The following MPDZ variants were observed in gnomAD, a reference collection of about 807,000 sequenced individuals.
MPDZ encodes the protein multiple PDZ domain protein.
MPDZ carries 234 observed loss-of-function variants against 239.1 expected under a neutral mutation model. The ratio of observed to expected loss-of-function variants is 0.98; its 90% confidence interval spans 0.88 to 1.09. The LOEUF (loss-of-function observed/expected upper bound fraction) is 1.09, where lower values mean the gene tolerates loss of function less well. Ranked by LOEUF, MPDZ falls within the 50% of genes least tolerant of loss-of-function variation. The pLI, the probability that MPDZ is intolerant of heterozygous loss-of-function variation, is 0.00. For synonymous variants in MPDZ, 1,048 were observed against 881.3 expected (o/e 1.19, Z -3.35); for missense variants, 3,175 against 2,510.0 (o/e 1.26, Z -5.66).
At chr9:13,216,437 G>A (rs900167203) in intron 10 of MPDZ, among the ~76,000 whole-genome samples, 2 of 148,588 alleles carry the variant, frequency 1.3e-5, no homozygotes, top group Non-Finnish European at 3.0e-5. Flanking sequence ...TACCCTAAAG[G>A]TACTGGACAT....
chr9:13,216,704 T>G, intron 10 of MPDZ, 70 bp downstream of exon 10: 1 of 1,194,550 alleles, frequency 8.4e-7, no homozygotes, highest in South Asian at 1.4e-5. Flanking sequence ...CTCTCAAAAC[T>G]AAGTAAACTA....
chr9:13,153,029 A>G (rs1465443470), intron 24 of MPDZ, among the ~76,000 whole-genome samples: 1 of 152,128 alleles, frequency 6.6e-6, no homozygotes, highest in African/African-American at 2.4e-5. Flanking sequence ...GCACAAAGGA[A>G]GACAATGTTG....
At position 13,136,148 on chromosome 9, in the gene MPDZ, G is replaced by A; in HGVS notation, c.4327C>T (p.Pro1443Ser). ...KDAVNQMAVC[P>S]GNAVEPLPSN... The stretch of plus-strand genomic sequence containing the variant: ...GGCAAAGGTTCTACTGCATTTCCAG[G>A]ACATACGGCCATCTGATTCACTGCA... The change falls in exon 31 of 47, where the codon CCT becomes TCT. Residue 1443 changes from proline (P) to serine (S), a missense_variant. Physicochemically the swap from Pro to Ser is moderately conservative, Grantham distance 74. Transcript: ENST00000319217. 6.2e-7 allele frequency: 1 copy of A among 1,612,694 alleles called. No homozygotes were observed. Among genetic ancestry groups the A allele is most frequent in the Non-Finnish European group, 8.5e-7 (1 of 1,179,318 alleles).
At chr9:13,207,384 T>G (rs1747963725) in intron 10 of MPDZ, among the ~76,000 whole-genome samples, 1 of 151,998 alleles carries the variant, frequency 6.6e-6, no homozygotes, top group African/African-American at 2.4e-5. Context: ...CCCAACCTCA[T>G]CTCTCATGAT....
At chr9:13,135,175 A>C (rs1280175226) in intron 31 of MPDZ, 2 of 152,210 alleles carry the variant, frequency 1.3e-5, no homozygotes, top group Non-Finnish European at 2.9e-5. Flanking sequence ...TGTATTTTCT[A>C]TTCAGTAAAA....
chr9:13,115,806 G>A lies in MPDZ; in HGVS notation c.5380-472C>T, dbSNP rs1005093661. On this transcript the variant is annotated intron_variant, in intron 39 of 46. Coordinates refer to ENST00000319217, the MANE Select transcript of MPDZ (RefSeq NM_001378778.1). ...TAAAAATACAAAAAAATAGCTGGGCGTGGTGGCAGGCGCCTGTAGTCCCAG... is the reference window on the plus strand; with the variant it reads ...TAAAAATACAAAAAAATAGCTGGGCATGGTGGCAGGCGCCTGTAGTCCCAG... Among the ~76,000 whole-genome samples the A allele has an allele frequency of 4.6e-5, 7 of 152,006 alleles. No individual in the cohort carries two copies. In the South Asian group the frequency reaches 6.2e-4, roughly 14 times the overall value.
At chr9:13,141,982 C>T (rs980972783) in intron 27 of MPDZ, among the ~76,000 whole-genome samples, 4 of 152,094 alleles carry the variant, frequency 2.6e-5, no homozygotes. Context: ...AACACACACA[C>T]ATAAAACCCT....
At position 13,186,333 on chromosome 9, in the gene MPDZ, T is replaced by G; in HGVS notation, c.2418A>C (p.Pro806=). Reference sequence around the variant, plus strand: ...GCCCTGCTTCCTCACAGGAGTGTGGTGGGTAGAGAAAGGAATCCTCCTTAG... The same window carrying G: ...GCCCTGCTTCCTCACAGGAGTGTGGGGGGTAGAGAAAGGAATCCTCCTTAG... The part of the protein sequence containing the change: ...VSAKEDSFLY[P]PHSCEEAGLA... The change falls in exon 18 of 47, where the codon CCA becomes CCC. Residue 806 remains proline (P), a synonymous_variant. Transcript: ENST00000319217. 6.3e-7 allele frequency: 1 copy of G among 1,594,544 alleles called. No homozygotes were observed. The highest frequency in any genetic ancestry group is 8.5e-7 in the Non-Finnish European group (1 of 1,170,030).
In MPDZ at chr9:13,194,216, A is replaced by G. The variant is rs1955333211; in HGVS notation, c.1657-903T>C. 2.0e-5 allele frequency among the ~76,000 whole-genome samples: 3 copies of G among 152,146 alleles called. No homozygotes were observed. In the South Asian group the frequency reaches 6.2e-4, roughly 32 times the overall value. The stretch of plus-strand genomic sequence containing the variant: ...TTACCTTTATCTTGCCAAGGCCCAT[A>G]AATATCTTAGTCCTTTTTCATTTAT... On this transcript the variant is annotated intron_variant, in intron 13 of 46. Transcript: ENST00000319217.
intron 15 of MPDZ, among the ~76,000 whole-genome samples, chr9:13,191,548 T>A (rs370143105): frequency 2.6e-5 from 4 of 152,144 alleles, no homozygotes; most frequent in Admixed American, 6.6e-5. Flanking sequence ...CTGACATGTA[T>A]CATTATGGGC....
chr9:13,168,285 G>A, intron 22 of MPDZ, 81 bp downstream of exon 22: 2 of 1,298,006 alleles, frequency 1.5e-6, no homozygotes, highest in African/African-American at 1.5e-5. Context: ...ATCTCAAACA[G>A]AAGTGAATAC....
chr9:13,115,143 G>A (rs1563824404), intron 40 of MPDZ, 105 bp downstream of exon 40: 7 of 889,786 alleles, frequency 7.9e-6, no homozygotes, highest in South Asian at 3.0e-5. Flanking sequence ...ACTATCCCAC[G>A]CTGCCAGGGG....
chr9:13,260,798 C>T (rs187430787), intron 1 of MPDZ, among the ~76,000 whole-genome samples: 13 of 152,264 alleles, frequency 8.5e-5, no homozygotes, highest in African/African-American at 3.1e-4. Flanking sequence ...CAGAACCCTA[C>T]CAGACCTTGA....
Position 13,221,391 on chromosome 9 carries a change from G to A in MPDZ, c.857C>T (p.Pro286Leu), listed in dbSNP as rs756297120. ...ATGVIVKTIL[P>L]GGVADQHGRL... ...GCCTACCTGATCAGCTACTCCTCCA[G>A]GCAGAATGGTTTTTACTATCACACC... The change falls in exon 7 of 47, where the codon CCT (proline) becomes CTT (leucine). Residue 286 changes from proline (P) to leucine (L), a missense_variant. Pro to Leu is a moderately conservative substitution (Grantham distance 98). Coordinates refer to ENST00000319217, the MANE Select transcript of MPDZ (RefSeq NM_001378778.1). The A allele has an allele frequency of 4.1e-5, 66 of 1,609,432 alleles. No homozygotes were observed. Among genetic ancestry groups the A allele is most frequent in the Non-Finnish European group, 5.3e-5 (62 of 1,177,332 alleles).
chr9:13,139,889 G>T, intron 28 of MPDZ, 98 bp downstream of exon 28: 1 of 1,375,468 alleles, frequency 7.3e-7, no homozygotes, highest in Non-Finnish European at 1.0e-6. Flanking sequence ...ATATCACAAA[G>T]CTGCAACATA....
At chr9:13,234,842 G>A (rs1215076968) in intron 3 of MPDZ, among the ~76,000 whole-genome samples, 1 of 151,610 alleles carries the variant, frequency 6.6e-6, no homozygotes, top group Non-Finnish European at 1.5e-5. Context: ...CATGCACCTT[G>A]TATTTTCTTC....
chr9:13,167,304 C>T (rs1951194922), intron 22 of MPDZ, among the ~76,000 whole-genome samples: 1 of 151,968 alleles, frequency 6.6e-6, no homozygotes, highest in Admixed American at 6.6e-5. Context: ...ATGATCTGTT[C>T]AACTGTAAAC....
intron 1 of MPDZ, among the ~76,000 whole-genome samples, chr9:13,276,405 C>T (rs1298331288): frequency 1.3e-5 from 2 of 152,130 alleles, no homozygotes; most frequent in Non-Finnish European, 2.9e-5. Context: ...TATATAAATG[C>T]TCTCCTATGC....
At chr9:13,173,455 C>A (rs1045977594) in intron 21 of MPDZ, among the ~76,000 whole-genome samples, 2 of 152,024 alleles carry the variant, frequency 1.3e-5, no homozygotes, top group South Asian at 2.1e-4. Context: ...GTAATCCTAG[C>A]ACTTTGGGAG....
Sources: gnomAD v4.1 joint callset for allele counts (sites outside exome capture counted in the v4.1 genomes callset) on GRCh38, gnomAD v4.1.1 for gene constraint, MANE v1.5 for transcripts, NCBI Gene and HGNC (gene_info 2026-07-23, HGNC 2026-07-21) for gene names.